Variants in C5orf34 observed in about 807,000 individuals in gnomAD.
The protein encoded by C5orf34 is uncharacterized protein C5orf34.
A neutral mutation model predicts 78.4 loss-of-function variants in C5orf34; 73 were observed. That is an observed-to-expected ratio of 0.93 (90% CI 0.77 to 1.13). C5orf34 has a LOEUF of 1.13. Among genes scored for constraint, C5orf34 ranks in the 50% most tolerant of loss-of-function variants. C5orf34 has a pLI of 0.00. For missense variants in C5orf34, 730 were observed against 732.7 expected, an observed-to-expected ratio of 1.00 and a Z score of 0.04; for synonymous variants, 251 against 246.6, an observed-to-expected ratio of 1.02 and a Z score of -0.17.
intron 11 of C5orf34, 23 bp downstream of exon 11, chr5:43,490,608 A>AT (rs778416887): frequency 6.9e-7 from 1 of 1,451,240 alleles, no homozygotes; most frequent in South Asian, 1.1e-5. Context: ...TTCTAAACAG[A>AT]TTTAAGTTTA....
intron 3 of C5orf34, 101 bp from the exon 4 acceptor site, chr5:43,506,495 A>G: frequency 8.2e-7 from 1 of 1,226,476 alleles, no homozygotes; most frequent in Non-Finnish European, 1.1e-6. Flanking sequence ...GCTCTTAAAT[A>G]TTTGTGTTTT....
intron 6 of C5orf34, among the ~76,000 whole-genome samples, chr5:43,502,141 G>A (rs1394195039): frequency 2.6e-5 from 4 of 152,158 alleles, no homozygotes; most frequent in African/African-American, 9.7e-5. Flanking sequence ...GAAAGTTTCT[G>A]ATTTAAACAT....
Position 43,508,610 on chromosome 5 carries a change from T to C in C5orf34, c.252A>G (p.Leu84=), listed in dbSNP as rs781028263. ...TTTCAGAAGGTATGATGGTTTCAGA[T>C]AAAAAAGGGCAAGTAGCTGAAGAGT... The part of the protein sequence containing the change: ...FRNSSATCPF[L]SETIIPSERK... Residue 84 remains leucine, a synonymous_variant, in exon 3 of 13, where the codon TTA becomes TTG. Transcript: ENST00000306862. 3 of 1,611,032 alleles carry C rather than the reference T, an allele frequency of 1.9e-6. No homozygotes were observed. The highest frequency in any genetic ancestry group is 3.3e-5 in the Admixed American group (2 of 59,880).
Position 43,492,259 on chromosome 5 carries a change from T to G in C5orf34, c.1536A>C (p.Gly512=). The change falls in exon 10 of 13, where the codon GGA becomes GGC. Residue 512 remains glycine (G), a synonymous_variant. Coordinates refer to ENST00000306862, the MANE Select transcript of C5orf34 (RefSeq NM_198566.4). ...GTTCAATCTGAATTAACTGCTCTTGTCCATCAGGAAAAGTTAACTTACACC... is the reference window on the plus strand; with the variant it reads ...GTTCAATCTGAATTAACTGCTCTTGGCCATCAGGAAAAGTTAACTTACACC... ...LGWCKLTFPD[G]QEQLIQIEHP... The G allele has an allele frequency of 6.2e-7, 1 of 1,612,496 alleles. No individual in the cohort carries two copies. Among genetic ancestry groups the G allele is most frequent in the South Asian group, 1.1e-5 (1 of 90,634 alleles).
At position 43,495,845 on chromosome 5, in the gene C5orf34, C is replaced by G. The variant is rs1194589895; in HGVS notation, c.1153-1244G>C. ...TCCCTTGAGCCAAGGCATGTTAGCA[C>G]TCGGCTCCAGCATGTTGTCACCATT... On this transcript the variant is annotated intron_variant, in intron 6 of 12. Transcript: ENST00000306862. 8 of 1,591,638 alleles carry G rather than the reference C, an allele frequency of 5.0e-6. No individual in the cohort carries two copies. In the Admixed American group the frequency reaches 1.2e-4, roughly 23 times the overall value.
chr5:43,487,635 A>G (rs969523944), intron 12 of C5orf34, among the ~76,000 whole-genome samples: 14 of 152,114 alleles, frequency 9.2e-5, no homozygotes, highest in Admixed American at 3.9e-4. Context: ...TTTATTATAT[A>G]ATTATGTAAG....
intron 11 of C5orf34, chr5:43,490,346 A>T: frequency 4.7e-6 from 1 of 213,690 alleles, no homozygotes; most frequent in Non-Finnish European, 9.2e-6. Context: ...TAAAGTTTTC[A>T]GGATGAATTT....
At chr5:43,495,536 A>G in intron 6 of C5orf34, 1 of 1,611,094 alleles carries the variant, frequency 6.2e-7, no homozygotes, top group Non-Finnish European at 8.5e-7. Flanking sequence ...ATTGAAGCCC[A>G]CATTGTCCCC....
At chr5:43,496,580 T>A (rs1175052925) in intron 6 of C5orf34, 2 of 657,786 alleles carry the variant, frequency 3.0e-6, no homozygotes, top group Non-Finnish European at 4.4e-6. Context: ...AAGTTTTTTT[T>A]AATTTTTTTT....
rs546041267 is a variant in C5orf34, at chr5:43,488,061, C to T, written c.1680-112G>A. 1.2e-4 allele frequency: 91 copies of T among 731,834 alleles called. 2 individuals are homozygous for T. The highest frequency in any genetic ancestry group is 1.1e-3 in the South Asian group (63 of 56,486). 45.3% of individuals were successfully genotyped at this position (731,834 alleles called of 1,614,324 possible). A position where few individuals can be genotyped will look rare whatever the true frequency, so the allele number is the denominator to read the frequency against. On this transcript the variant is annotated intron_variant, in intron 11 of 12. Transcript: ENST00000306862. The stretch of plus-strand genomic sequence containing the variant: ...TTCATTAGAATTTTAAACGGAAGAA[C>T]GCAGAAGAATTCTCTTTATGTTACC...
chr5:43,512,099 G>GT (rs1458410161), intron 1 of C5orf34, among the ~76,000 whole-genome samples: 5 of 151,606 alleles, frequency 3.3e-5, no homozygotes, highest in African/African-American at 4.8e-5. Flanking sequence ...TAAGTCTCAG[G>GT]TTGTTCCTCA....
intron 1 of C5orf34, among the ~76,000 whole-genome samples, chr5:43,511,986 C>T (rs1281225424): frequency 6.7e-6 from 1 of 148,810 alleles, no homozygotes; most frequent in Non-Finnish European, 1.5e-5. Context: ...TATGACCCTG[C>T]CAAATCCCCC....
intron 4 of C5orf34, chr5:43,505,542 AG>A: frequency 1.9e-6 from 1 of 522,982 alleles, no homozygotes; most frequent in Non-Finnish European, 3.3e-6. Context: ...TCTAGTGTAG[AG>A]TCAGCCTTCT....
chr5:43,490,819 G>GA (rs764268885), intron 10 of C5orf34, 90 bp from the exon 11 acceptor site: 8 of 644,460 alleles, frequency 1.2e-5, no homozygotes, highest in East Asian at 3.1e-5. Context: ...GACAATTTGG[G>GA]AAAAAAGGAT....
rs1745375865 is a variant in C5orf34 at position 43,493,588 on chromosome 5, C to T, written c.1269G>A (p.Met423Ile). 1.3e-6 allele frequency: 2 copies of T among 1,581,026 alleles called. No homozygotes were observed. The highest frequency in any genetic ancestry group is 2.7e-5 in the African/African-American group (2 of 73,372). ...GATAGTTATGGCTTAAAGAAAGTCTCATCTTCACACAATGTTGAAGAATTC... is the reference window on the plus strand; with the variant it reads ...GATAGTTATGGCTTAAAGAAAGTCTTATCTTCACACAATGTTGAAGAATTC... ...ATRILQHCVK[M>I]RLSLSHNYRI... Residue 423 changes from methionine to isoleucine, a missense_variant, in exon 8 of 13, where the codon ATG becomes ATA. Physicochemically the swap from Met to Ile is conservative, Grantham distance 10 (BLOSUM62 1). Transcript: ENST00000306862.
Position 43,505,738 on chromosome 5 carries a change from A to C in C5orf34, c.932+10T>G, listed in dbSNP as rs771722109. On this transcript the variant is annotated intron_variant, in intron 4 of 12. Coordinates refer to ENST00000306862, the MANE Select transcript of C5orf34 (RefSeq NM_198566.4). ...AAAAGCTTCATGACCAATAGCCATTACTGCATTACCTGTGTAGGTGTGGGA... is the reference window on the plus strand; with the variant it reads ...AAAAGCTTCATGACCAATAGCCATTCCTGCATTACCTGTGTAGGTGTGGGA... 3 of 1,529,576 alleles carry C rather than the reference A, an allele frequency of 2.0e-6. No homozygotes were observed. The South Asian group carries it at 3.9e-5, about 20-fold the overall frequency. The allele number at this position is 1,529,576 out of a possible 1,614,324, so 94.8% of individuals were successfully genotyped here.
intron 6 of C5orf34, chr5:43,495,363 C>A: frequency 6.2e-7 from 1 of 1,611,826 alleles, no homozygotes; most frequent in African/African-American, 1.3e-5. Flanking sequence ...GCAATGTGAG[C>A]CGCGTGGCAA....
intron 6 of C5orf34, among the ~76,000 whole-genome samples, chr5:43,499,877 G>T (rs553518133): frequency 3.2e-4 from 48 of 152,050 alleles, no homozygotes; most frequent in African/African-American, 1.2e-3. Flanking sequence ...CCCTATTAAT[G>T]AACATTTATT....
intron 6 of C5orf34, among the ~76,000 whole-genome samples, chr5:43,496,967 A>C (rs1745555146): frequency 6.6e-6 from 1 of 152,146 alleles, no homozygotes; most frequent in Non-Finnish European, 1.5e-5. Context: ...ATTAGCAGGA[A>C]ATTTATCATG....
Sources: allele counts gnomAD v4.1 joint callset (sites outside exome capture counted in the v4.1 genomes callset), GRCh38; gene constraint gnomAD v4.1.1; transcripts MANE v1.5; gene names NCBI Gene and HGNC (gene_info 2026-07-23, HGNC 2026-07-21).